C6: variants seen among roughly 807,000 people sequenced by gnomAD.
The protein encoded by C6 is complement C6, also known as complement component C6.
Under a neutral mutation model 112.9 loss-of-function variants are expected in C6, and 101 were observed. The observed-to-expected ratio is 0.89, with a 90% CI of 0.76 to 1.06. The LOEUF (loss-of-function observed/expected upper bound fraction) is 1.06, where lower values mean the gene tolerates loss of function less well. Among genes scored for constraint, C6 ranks in the 50% least tolerant of loss-of-function variants. The probability of loss-of-function intolerance (pLI) is 0.00; values close to 1 mark genes in which losing one functional copy is unlikely to be tolerated. For missense variants in C6, 1,202 were observed against 1,104.6 expected (o/e 1.09, Z -1.25); for synonymous variants, 431 against 384.1 (o/e 1.12, Z -1.43).
In C6 at chr5:41,195,815, A is replaced by G. The variant is rs763179430; in HGVS notation, c.564T>C (p.Pro188=). The change falls in exon 5 of 18, where the codon CCT becomes CCC. Residue 188 remains proline, a synonymous_variant. Coordinates refer to ENST00000337836, the MANE Select transcript of C6 (RefSeq NM_000065.5). ...ACCCATTGCCCATCAACTGTACACT[A>G]GGGATGGGATTATACTTCCGTGTGC... The part of the protein sequence containing the change: ...AVCTRKYNPI[P]SVQLMGNGFH... 39 of 1,613,728 alleles carry G rather than the reference A, an allele frequency of 2.4e-5. No homozygotes were observed. The highest frequency in any genetic ancestry group is 3.1e-5 in the Non-Finnish European group (37 of 1,179,826).
intron 1 of C6, among the ~76,000 whole-genome samples, chr5:41,260,498 A>C (rs1741986753): frequency 6.8e-6 from 1 of 147,632 alleles, no homozygotes; most frequent in South Asian, 2.3e-4. Flanking sequence ...CTGCTGGCGC[A>C]GTGGCTCATG....
At chr5:41,213,631 G>A (rs1418095852), upstream of C6, 2 of 795,554 alleles carry the variant, frequency 2.5e-6, no homozygotes, top group Non-Finnish European at 3.0e-6. Context: ...CTGGGTGTTG[G>A]ATGTTACACA....
chr5:41,260,855 G>T (rs1383776264), intron 1 of C6, among the ~76,000 whole-genome samples: 1 of 151,796 alleles, frequency 6.6e-6, no homozygotes, highest in East Asian at 1.9e-4. Flanking sequence ...CCTATAGATG[G>T]ATACTGTGGG....
intron 9 of C6, among the ~76,000 whole-genome samples, chr5:41,166,900 A>G (rs1187830880): frequency 6.6e-6 from 1 of 152,178 alleles, no homozygotes; most frequent in African/African-American, 2.4e-5. Flanking sequence ...TAAGCAATGC[A>G]GAAAAGCACA....
At chr5:41,191,880 A>G (rs1349426700) in intron 5 of C6, among the ~76,000 whole-genome samples, 1 of 151,126 alleles carries the variant, frequency 6.6e-6, no homozygotes, top group Non-Finnish European at 1.5e-5. Context: ...ACTCCTTTCC[A>G]GTTTGGATCC....
chr5:41,213,359 A>T lies in C6; in HGVS notation c.-21+17T>A, dbSNP rs1036106672. On this transcript the variant is annotated intron_variant, in intron 1 of 17. Transcript: ENST00000337836. ...TTGAAATATTAAGATTGAAAATGAA[A>T]TCATCATATTACTCACCTTTAAGCA... 5 of 952,518 alleles carry T rather than the reference A, an allele frequency of 5.2e-6. No individual in the cohort carries two copies. Among genetic ancestry groups the T allele is most frequent in the Non-Finnish European group, 6.2e-6 (5 of 800,104 alleles). 59.0% of individuals were successfully genotyped at this position (952,518 alleles called of 1,614,324 possible).
chr5:41,225,555 T>C (rs894258699), intron 1 of C6, among the ~76,000 whole-genome samples: 1 of 152,222 alleles, frequency 6.6e-6, no homozygotes, highest in Non-Finnish European at 1.5e-5. Context: ...TATAGCAGCA[T>C]GATTTATAAT....
At chr5:41,244,038 A>C (rs536270730) in intron 1 of C6, among the ~76,000 whole-genome samples, 154 of 152,302 alleles carry the variant, frequency 1.0e-3, no homozygotes, top group Non-Finnish European at 1.7e-3. Flanking sequence ...CATCCATGTA[A>C]ACTACATTTA....
At chr5:41,152,680 C>T (rs1217362147) in intron 15 of C6, 1 of 152,188 alleles carries the variant, frequency 6.6e-6, no homozygotes, top group Non-Finnish European at 1.5e-5. Context: ...CTCTCCTGAA[C>T]TTGGAGACCT....
At chr5:41,237,036 G>A (rs1393508098) in intron 1 of C6, among the ~76,000 whole-genome samples, 2 of 150,162 alleles carry the variant, frequency 1.3e-5, no homozygotes, top group Non-Finnish European at 3.0e-5. Context: ...GGAAGAAGTT[G>A]AATATCTGAA....
intron 6 of C6, among the ~76,000 whole-genome samples, chr5:41,184,925 G>C (rs983347872): frequency 6.6e-6 from 1 of 152,128 alleles, no homozygotes; most frequent in African/African-American, 2.4e-5. Flanking sequence ...GCCTCAATTT[G>C]CTCCAGCCTC....
At chr5:41,203,646 T>A (rs968051351) in intron 1 of C6, 2 of 186,050 alleles carry the variant, frequency 1.1e-5, no homozygotes, top group African/African-American at 4.7e-5. Context: ...TTCCTACTTT[T>A]CTGGGACTGG....
At chr5:41,243,014 A>G (rs932587261) in intron 1 of C6, among the ~76,000 whole-genome samples, 2 of 152,152 alleles carry the variant, frequency 1.3e-5, no homozygotes, top group Non-Finnish European at 2.9e-5. Flanking sequence ...AGGAATGGGA[A>G]GATAATGGAT....
chr5:41,143,105 T>A, intron 17 of C6, 99 bp from the exon 18 acceptor site: 2 of 1,063,258 alleles, frequency 1.9e-6, no homozygotes, highest in Non-Finnish European at 2.9e-6. Context: ...TTGATGGTGT[T>A]AAATTAAGTT....
At chr5:41,259,317 C>T (rs1741901204) in intron 1 of C6, among the ~76,000 whole-genome samples, 2 of 152,072 alleles carry the variant, frequency 1.3e-5, no homozygotes, top group South Asian at 2.1e-4. Context: ...GAACTAAATA[C>T]GTGGCTTATT....
chr5:41,150,911 A>G (rs1746333684), intron 15 of C6, among the ~76,000 whole-genome samples: 1 of 150,702 alleles, frequency 6.6e-6, no homozygotes, highest in African/African-American at 2.4e-5. Context: ...GGCAGGCAGC[A>G]TGTGAGTTTC....
chr5:41,172,189 C>A (rs199532328), intron 9 of C6, 36 bp downstream of exon 9: 1 of 1,611,166 alleles, frequency 6.2e-7, no homozygotes, highest in East Asian at 2.2e-5. Flanking sequence ...AGGCTCAGGG[C>A]ACACTGGATA....
chr5:41,219,919 C>T (rs1003226909), intron 1 of C6, among the ~76,000 whole-genome samples: 3 of 152,182 alleles, frequency 2.0e-5, no homozygotes, highest in Non-Finnish European at 4.4e-5. Flanking sequence ...CATGGGAAGA[C>T]AGCAGTTTCC....
chr5:41,204,449 C>T (rs1392650115), intron 1 of C6, among the ~76,000 whole-genome samples: 1 of 152,088 alleles, frequency 6.6e-6, no homozygotes, highest in Non-Finnish European at 1.5e-5. Flanking sequence ...AAATATGGCT[C>T]TCTCATGTCC....
Sources: allele counts gnomAD v4.1 joint callset (sites outside exome capture counted in the v4.1 genomes callset), GRCh38; gene constraint gnomAD v4.1.1; transcripts MANE v1.5; gene names NCBI Gene and HGNC (gene_info 2026-07-23, HGNC 2026-07-21).